The following THOC1 variants were observed in gnomAD, a reference collection of about 807,000 sequenced individuals.
THOC1 encodes the protein THO complex subunit 1, also known as THO complex 1.
A neutral mutation model predicts 97.3 loss-of-function variants in THOC1; 29 were observed. The observed-to-expected ratio is 0.30, with a 90% CI of 0.22 to 0.41. The LOEUF is 0.41. THOC1 is among the 10% of genes least tolerant of loss of function. The pLI, the probability that THOC1 is intolerant of heterozygous loss-of-function variation, is 1.00. For synonymous variants in THOC1, 255 were observed against 257.0 expected (o/e 0.99, Z 0.07); for missense variants, 529 against 761.9 (o/e 0.69, Z 3.60).
At chr18:227,645 C>A (rs1911341309) in intron 11 of THOC1, among the ~76,000 whole-genome samples, 1 of 151,968 alleles carries the variant, frequency 6.6e-6, no homozygotes, top group Admixed American at 6.6e-5. Flanking sequence ...GTAAGAATAA[C>A]CTGCGGCGAT....
At chr18:257,543 C>A (rs1912474565) in intron 7 of THOC1, among the ~76,000 whole-genome samples, 1 of 151,856 alleles carries the variant, frequency 6.6e-6, no homozygotes, top group South Asian at 2.1e-4. Flanking sequence ...GGTTAGTATA[C>A]ACATATGTCT....
In THOC1 at chr18:226,877, T is replaced by C. The variant is rs1911308883; in HGVS notation, c.943A>G (p.Ser315Gly). The C allele has an allele frequency of 6.2e-7, 1 of 1,610,778 alleles. No individual in the cohort carries two copies. Among genetic ancestry groups the C allele is most frequent in the Non-Finnish European group, 8.5e-7 (1 of 1,178,434 alleles). ...AACAGGATGTGTCGACGAAAGTTAC[T>C]GTCACTCAGTTGTAAATCCATCAGC... ...EKLMDLQLSD[S>G]NFRRHILLQY... The change falls in exon 12 of 21, where the codon AGT becomes GGT. Residue 315 changes from serine (S) to glycine (G), a missense_variant. Ser to Gly is a moderately conservative substitution (Grantham distance 56). This residue lies in a region of THOC1 where 25 missense variants were observed against 69.5 expected (regional missense o/e 0.36). Transcript: ENST00000261600.
In THOC1 at chr18:267,005, A is replaced by G. The variant is rs553374322; in HGVS notation, c.54+961T>C. ...GTGTGTGTATATATATATTATACGT[A>G]TACGTATATATATGTATATATATAT... On this transcript the variant is annotated intron_variant, in intron 1 of 20. Coordinates refer to ENST00000261600, the MANE Select transcript of THOC1 (RefSeq NM_005131.3). Among the ~76,000 whole-genome samples, 4 of 88,152 alleles carry G rather than the reference A, an allele frequency of 4.5e-5. No individual in the cohort carries two copies. The South Asian group carries it at 2.3e-3, about 52-fold the overall frequency. The allele number at this position is 88,152 out of a possible 152,430, so 57.8% of individuals were successfully genotyped here. A position where few individuals can be genotyped will look rare whatever the true frequency, so the allele number is the denominator to read the frequency against.
rs530453093 is a variant in THOC1 at position 231,108 on chromosome 18, A to T, written c.919-4207T>A. Among the ~76,000 whole-genome samples, 7 of 152,252 alleles carry T rather than the reference A, an allele frequency of 4.6e-5. No homozygotes were observed. The South Asian group carries it at 1.2e-3, about 27-fold the overall frequency. Reference sequence around the variant, plus strand: ...TGAGCAAAGGGCTTTTATTATCCTTAGCTGTATGTATGTATGTATTTAGTA... The same window carrying T: ...TGAGCAAAGGGCTTTTATTATCCTTTGCTGTATGTATGTATGTATTTAGTA... On this transcript the variant is annotated intron_variant, in intron 11 of 20. Coordinates refer to ENST00000261600, the MANE Select transcript of THOC1 (RefSeq NM_005131.3).
At chr18:251,373 G>A (rs1304905528) in intron 9 of THOC1, among the ~76,000 whole-genome samples, 1 of 152,178 alleles carries the variant, frequency 6.6e-6, no homozygotes, top group Non-Finnish European at 1.5e-5. Context: ...GACAGTAATG[G>A]AAATTCTTTC....
chr18:237,868 CCT>C (rs1491305670), intron 11 of THOC1, among the ~76,000 whole-genome samples: 38 of 151,906 alleles, frequency 2.5e-4, no homozygotes, highest in African/African-American at 7.3e-4. Flanking sequence ...AAATAGTATT[CCT>C]TTTTTTTTCT....
chr18:220,657 C>T (rs901960828), intron 17 of THOC1, among the ~76,000 whole-genome samples: 2 of 152,112 alleles, frequency 1.3e-5, no homozygotes, highest in African/African-American at 4.8e-5. Context: ...TGAAGTTCCC[C>T]GTCTTCTCAG....
intron 17 of THOC1, among the ~76,000 whole-genome samples, chr18:221,677 C>T (rs543223092): frequency 1.1e-4 from 15 of 140,664 alleles, no homozygotes; most frequent in South Asian, 2.3e-4. Context: ...GGTGCGATCT[C>T]GACTCACTGC....
At chr18:267,587 G>A (rs1329828152) in intron 1 of THOC1, among the ~76,000 whole-genome samples, 1 of 152,172 alleles carries the variant, frequency 6.6e-6, no homozygotes, top group African/African-American at 2.4e-5. Flanking sequence ...CAGGTCTTTG[G>A]ACTGAAACCA....
chr18:260,414 A>C (rs1912567980), intron 4 of THOC1, 110 bp from the exon 5 acceptor site: 1 of 742,012 alleles, frequency 1.3e-6, no homozygotes, highest in African/African-American at 1.9e-5. Flanking sequence ...GTTACTCATA[A>C]CAAGGTTTTA....
In THOC1 at chr18:265,366, A is replaced by G. The variant is rs1415346976; in HGVS notation, c.129-3T>C. On this transcript the variant is annotated splice_polypyrimidine_tract_variant and splice_region_variant and intron_variant, in intron 2 of 20. Transcript: ENST00000261600. Reference sequence around the variant, plus strand: ...GGGTACATTTTTTTTCATTTTCACTATTAAAAACAAAAGACATCCTCATTT... The same window carrying G: ...GGGTACATTTTTTTTCATTTTCACTGTTAAAAACAAAAGACATCCTCATTT... 5 of 1,604,510 alleles carry G rather than the reference A, an allele frequency of 3.1e-6. No homozygotes were observed. The highest frequency in any genetic ancestry group is 2.3e-5 in the South Asian group (2 of 88,308).
At position 214,879 on chromosome 18, in the gene THOC1, A is replaced by C; in HGVS notation, c.1721T>G (p.Ile574Arg). Reference sequence around the variant, plus strand: ...ACCCAGCTTGTTGGCAAATACCTCTATTTGTTCTCCTGTTACAGGTTTGTC... The same window carrying C: ...ACCCAGCTTGTTGGCAAATACCTCTCTTTGTTCTCCTGTTACAGGTTTGTC... ...RRDKPVTGEQ[I>R]EVFANKLGEQ... Residue 574 changes from isoleucine to arginine, a missense_variant, in exon 21 of 21, where the codon ATA (isoleucine) becomes AGA (arginine). Coordinates refer to ENST00000261600, the MANE Select transcript of THOC1 (RefSeq NM_005131.3). 12 of 1,613,912 alleles carry C rather than the reference A, an allele frequency of 7.4e-6. No homozygotes were observed. The highest frequency in any genetic ancestry group is 1.0e-5 in the Non-Finnish European group (12 of 1,179,872).
At chr18:225,481 A>G in intron 12 of THOC1, 78 bp from the exon 13 acceptor site, 1 of 1,082,080 alleles carries the variant, frequency 9.2e-7, no homozygotes, top group Non-Finnish European at 1.4e-6. Flanking sequence ...AACACAAGGC[A>G]TGTAACATGT....
intron 20 of THOC1, 88 bp from the exon 21 acceptor site, chr18:215,009 A>C: frequency 3.4e-6 from 4 of 1,167,572 alleles, no homozygotes; most frequent in Non-Finnish European, 4.9e-6. Flanking sequence ...TTTATTAACC[A>C]CCTTTAGTAG....
chr18:223,293 T>C (rs746457865), intron 17 of THOC1, 147 bp downstream of exon 17: 35 of 567,960 alleles, frequency 6.2e-5, no homozygotes, highest in Non-Finnish European at 9.3e-5. Flanking sequence ...AGGAGTTTTA[T>C]GGTGGGAAGT....
At chr18:229,428 T>C (rs1911405969) in intron 11 of THOC1, among the ~76,000 whole-genome samples, 1 of 152,024 alleles carries the variant, frequency 6.6e-6, no homozygotes, top group Non-Finnish European at 1.5e-5. Flanking sequence ...ACGCCTGTAA[T>C]CCCAGCACTT....
At position 265,295 on chromosome 18, in the gene THOC1, ATACT is replaced by A. The variant is rs1413875313; in HGVS notation, c.189+4_189+7del. On this transcript the variant is annotated splice_donor_5th_base_variant and intron_variant, in intron 3 of 20. Coordinates refer to ENST00000261600, the MANE Select transcript of THOC1 (RefSeq NM_005131.3). ...AGTAAAATTTTAACAATGGAAAAACATACTTACAATTTCTTCTTCTAGAATACCT... is the reference window on the plus strand; with the variant it reads ...AGTAAAATTTTAACAATGGAAAAACATACAATTTCTTCTTCTAGAATACCT... 1.3e-6 allele frequency: 2 copies of A among 1,577,754 alleles called. No homozygotes were observed.
At chr18:230,258 A>C (rs938896558) in intron 11 of THOC1, among the ~76,000 whole-genome samples, 2 of 140,406 alleles carry the variant, frequency 1.4e-5, no homozygotes, top group Non-Finnish European at 3.1e-5. Flanking sequence ...AAAGGTGGAG[A>C]GTGGGGGTTG....
At chr18:223,813 C>T (rs533519577) in intron 16 of THOC1, among the ~76,000 whole-genome samples, 1 of 152,094 alleles carries the variant, frequency 6.6e-6, no homozygotes, top group African/African-American at 2.4e-5. Flanking sequence ...TGGTACCTTG[C>T]AACAACTGGA....
Sources: gnomAD v4.1 joint callset for allele counts (sites outside exome capture counted in the v4.1 genomes callset) on GRCh38, gnomAD v4.1.1 for gene constraint, gnomAD v4.1.1 regional missense constraint, MANE v1.5 for transcripts, NCBI Gene and HGNC (gene_info 2026-07-23, HGNC 2026-07-21) for gene names.